PARP6: variants seen among roughly 807,000 people sequenced by gnomAD.
PARP6 encodes the protein protein mono-ADP-ribosyltransferase PARP6.
PARP6 carries 27 observed loss-of-function variants against 92.0 expected under a neutral mutation model. The ratio of observed to expected loss-of-function variants is 0.29; its 90% CI spans 0.22 to 0.40. The LOEUF is 0.40. PARP6 is among the 10% of genes least tolerant of loss of function. PARP6 has a pLI of 1.00. For missense variants in PARP6, 501 were observed against 784.5 expected (o/e 0.64, Z 4.32); for synonymous variants, 272 against 281.2 (o/e 0.97, Z 0.33).
intron 2 of PARP6, among the ~76,000 whole-genome samples, chr15:72,269,620 C>A (rs1196127544): frequency 1.3e-5 from 2 of 152,052 alleles, no homozygotes; most frequent in African/African-American, 4.8e-5. Context: ...CCAGAAATGG[C>A]CAGGCACTGA....
intron 16 of PARP6, among the ~76,000 whole-genome samples, chr15:72,252,778 C>A (rs746562291): frequency 6.6e-6 from 1 of 152,146 alleles, no homozygotes; most frequent in Non-Finnish European, 1.5e-5. Context: ...AGCCACTGCA[C>A]CCGGCCCTGT....
In PARP6 at chr15:72,265,469, A is replaced by G. The variant is rs1325323608; in HGVS notation, c.181T>C (p.Tyr61His). The change falls in exon 6 of 24, where the codon TAT becomes CAT. Residue 61 changes from tyrosine to histidine, a missense_variant. Tyr to His is a moderately conservative substitution (Grantham distance 83, BLOSUM62 2). This residue lies in a region of PARP6 where 291 missense variants were observed against 352.0 expected (regional missense o/e 0.83). Transcript: ENST00000569795. ...YSENSVSIRE[Y>H]GTIDDVDIDL... is the part of the protein sequence containing the mutation. ...ATGTCCACGTCATCGATAGTTCCATATTCTCTATAGAGATACAGGTGACAA... is the reference window on the plus strand; with the variant it reads ...ATGTCCACGTCATCGATAGTTCCATGTTCTCTATAGAGATACAGGTGACAA... The G allele has an allele frequency of 6.2e-7, 1 of 1,612,192 alleles. No individual in the cohort carries two copies. The highest frequency in any genetic ancestry group is 1.1e-5 in the South Asian group (1 of 91,034).
intron 9 of PARP6, 98 bp downstream of exon 9, chr15:72,261,460 A>C: frequency 9.3e-7 from 1 of 1,069,950 alleles, no homozygotes; most frequent in Non-Finnish European, 1.4e-6. Context: ...GACAGAATTC[A>C]GGGAAGAGAG....
Position 72,265,569 on chromosome 15 carries a change from G to A in PARP6, c.177-96C>T, listed in dbSNP as rs946395940. 4 of 958,552 alleles carry A rather than the reference G, an allele frequency of 4.2e-6. No individual in the cohort carries two copies. The African/African-American group carries it at 4.8e-5, about 11-fold the overall frequency. 59.4% of individuals were successfully genotyped at this position (958,552 alleles called of 1,614,324 possible). On this transcript the variant is annotated intron_variant, in intron 5 of 23. Coordinates refer to ENST00000569795, the MANE Select transcript of PARP6 (RefSeq NM_001323532.2). ...AAGAGAACTGAGCCTGGGGACAGGG[G>A]AAAGGGAAGAGTGGATGACAGTTTT...
chr15:72,263,572 G>T (rs574796588), intron 8 of PARP6, among the ~76,000 whole-genome samples: 2 of 152,082 alleles, frequency 1.3e-5, no homozygotes, highest in East Asian at 3.9e-4. Flanking sequence ...CCTATTCTCT[G>T]GCTTTGGCTC....
At chr15:72,255,942 G>A (rs1015057896) in intron 14 of PARP6, among the ~76,000 whole-genome samples, 23 of 150,932 alleles carry the variant, frequency 1.5e-4, no homozygotes, top group African/African-American at 5.1e-4. Context: ...GACTACAGGC[G>A]CCCACCACCA....
intron 11 of PARP6, among the ~76,000 whole-genome samples, chr15:72,258,359 C>A (rs1019294802): frequency 1.3e-5 from 2 of 152,200 alleles, no homozygotes; most frequent in Admixed American, 6.5e-5. Context: ...CCTGGGTTAA[C>A]ACTGTACTTC....
At position 72,254,355 on chromosome 15, in the gene PARP6, A is replaced by G. The variant is rs542234313; in HGVS notation, c.1191+100T>C. On this transcript the variant is annotated intron_variant, in intron 15 of 23. Transcript: ENST00000569795. ...AGACTAAAAAAAAAATACAGTGCGT[A>G]GCATCTCTAAATCTTCATCCCACTC... is the stretch of plus-strand genomic sequence containing the variant. The G allele has an allele frequency of 2.1e-5, 17 of 817,206 alleles. No individual in the cohort carries two copies. In the African/African-American group the frequency reaches 2.9e-4, roughly 14 times the overall value. The allele number at this position is 817,206 out of a possible 1,614,324, so 50.6% of individuals were successfully genotyped here.
chr15:72,260,474 G>A lies in PARP6; in HGVS notation c.756+4C>T, dbSNP rs768942875. On this transcript the variant is annotated splice_donor_region_variant and intron_variant, in intron 10 of 23. Transcript: ENST00000569795. ...CCAAGTCAAACCCTCCCCAGCCCATGTACCAAAGGAGAGGTCCGTGCTGGG... is the reference window on the plus strand; with the variant it reads ...CCAAGTCAAACCCTCCCCAGCCCATATACCAAAGGAGAGGTCCGTGCTGGG... 2.9e-5 allele frequency: 47 copies of A among 1,610,890 alleles called. No homozygotes were observed. The highest frequency in any genetic ancestry group is 3.8e-5 in the Non-Finnish European group (45 of 1,177,326).
intron 2 of PARP6, among the ~76,000 whole-genome samples, chr15:72,270,806 T>C (rs1480535694): frequency 2.0e-5 from 3 of 152,242 alleles, no homozygotes; most frequent in South Asian, 2.1e-4. Context: ...TTCTAACATA[T>C]AAAATGTTTA....
intron 2 of PARP6, among the ~76,000 whole-genome samples, chr15:72,270,460 A>C (rs1426295956): frequency 2.0e-5 from 3 of 152,206 alleles, no homozygotes; most frequent in Non-Finnish European, 2.9e-5. Context: ...GGCTGTCCTC[A>C]AAGTCAAGTC....
chr15:72,249,653 C>T (rs2084077887), intron 19 of PARP6, among the ~76,000 whole-genome samples: 1 of 152,220 alleles, frequency 6.6e-6, no homozygotes, highest in South Asian at 2.1e-4. Flanking sequence ...AGGGCCAATA[C>T]ACACTCCCTG....
intron 2 of PARP6, 60 bp from the exon 3 acceptor site, chr15:72,267,731 T>C (rs1304848024): frequency 6.1e-6 from 3 of 488,362 alleles, no homozygotes; most frequent in South Asian, 6.4e-5. Flanking sequence ...GGTGTATATA[T>C]ACAGGCACAC....
Position 72,256,447 on chromosome 15 carries a change from C to T in PARP6, c.1125+18G>A, listed in dbSNP as rs761283061. 2.0e-6 allele frequency: 3 copies of T among 1,519,602 alleles called. No homozygotes were observed. In the Admixed American group the frequency reaches 7.0e-5, roughly 36 times the overall value. The allele number at this position is 1,519,602 out of a possible 1,614,324, so 94.1% of individuals were successfully genotyped here. Reference sequence around the variant, plus strand: ...TATCATTTCTGTTCCTTAGCCCTGACTTTCTCAAGTAACATACCTTAGGGT... The same window carrying T: ...TATCATTTCTGTTCCTTAGCCCTGATTTTCTCAAGTAACATACCTTAGGGT... On this transcript the variant is annotated intron_variant, in intron 14 of 23. Coordinates refer to ENST00000569795, the MANE Select transcript of PARP6 (RefSeq NM_001323532.2).
In PARP6 at chr15:72,253,487, G is replaced by A. The variant is rs757532206; in HGVS notation, c.1209C>T (p.Ile403=). 1.2e-6 allele frequency: 2 copies of A among 1,613,696 alleles called. No homozygotes were observed. The highest frequency in any genetic ancestry group is 2.7e-5 in the African/African-American group (2 of 74,892). The change falls in exon 16 of 24, where the codon ATC becomes ATT. Residue 403 remains isoleucine (I), a synonymous_variant. Transcript: ENST00000569795. ...GATCCAACTTGTCCATCTGTTTCTT[G>A]ATTTCCAAATATGAGCCCTGTAAGA... ...REMTQGSYLE[I]KKQMDKLDPL... is the part of the protein sequence containing the mutation.
chr15:72,249,006 G>C (rs890786776), intron 20 of PARP6: 2 of 340,694 alleles, frequency 5.9e-6, no homozygotes, highest in African/African-American at 4.2e-5. Flanking sequence ...CCCATTCCCA[G>C]GGCCAAGCCC....
intron 1 of PARP6, among the ~76,000 whole-genome samples, chr15:72,271,703 G>A (rs906245843): frequency 2.1e-4 from 32 of 152,164 alleles, no homozygotes; most frequent in Admixed American, 2.0e-4. Flanking sequence ...AGTTGTTAAT[G>A]AAGTAAGCAA....
rs749857624 is a variant in PARP6, at chr15:72,241,852, C to T, written c.1790+49G>A. On this transcript the variant is annotated intron_variant, in intron 23 of 23. Transcript: ENST00000569795. The surrounding 1 kb of genome is among the most constrained non-coding windows in gnomAD (Gnocchi z 4.1). ...TTCCCAGTAGCCACACACCATCACA[C>T]CCCCAACCTCACTCCTCGAGTAATC... The T allele has an allele frequency of 1.6e-5, 21 of 1,349,656 alleles. No homozygotes were observed. The Admixed American group carries it at 3.5e-4, about 23-fold the overall frequency. The allele number at this position is 1,349,656 out of a possible 1,614,324, so 83.6% of individuals were successfully genotyped here.
intron 13 of PARP6, 63 bp from the exon 14 acceptor site, chr15:72,256,653 G>A: frequency 2.3e-6 from 3 of 1,318,488 alleles, no homozygotes; most frequent in Non-Finnish European, 3.0e-6. Context: ...GGGAGTCAGA[G>A]TACCCAGTAT....
Sources: allele counts gnomAD v4.1 joint callset (sites outside exome capture counted in the v4.1 genomes callset), GRCh38; gene constraint gnomAD v4.1.1; regional missense constraint gnomAD v4.1.1; non-coding constraint Gnocchi (gnomAD v3.1); transcripts MANE v1.5; gene names NCBI Gene and HGNC (gene_info 2026-07-23, HGNC 2026-07-21).